The following TOP6BL variants were observed in gnomAD, a reference collection of about 807,000 sequenced individuals.
TOP6BL encodes type 2 DNA topoisomerase 6 subunit B-like.
the TOP6BL span, chr11:66,762,011 A>G: frequency 6.5e-7 from 1 of 1,544,094 alleles, no homozygotes; most frequent in Non-Finnish European, 8.9e-7. Flanking sequence ...TGTTGTTAAT[A>G]TTGAAAGTGA....
At chr11:66,792,444 A>G in the TOP6BL span, among the ~76,000 whole-genome samples, 6 of 152,294 alleles carry the variant, frequency 3.9e-5, no homozygotes, top group South Asian at 1.2e-3. Flanking sequence ...ATACATAAGC[A>G]TTGCTTGTCA....
chr11:66,796,860 GT>G, the TOP6BL span, among the ~76,000 whole-genome samples: 86 of 138,308 alleles, frequency 6.2e-4, no homozygotes, highest in Admixed American at 1.2e-3. Context: ...TAAGACAGTT[GT>G]TTTTTTTTTT....
At chr11:66,749,739 G>C in the TOP6BL span, among the ~76,000 whole-genome samples, 1 of 152,028 alleles carries the variant, frequency 6.6e-6, no homozygotes, top group South Asian at 2.1e-4. Flanking sequence ...TTTTGTGTGT[G>C]TGTGTATTTT....
chr11:66,774,413 T>A, the TOP6BL span, among the ~76,000 whole-genome samples: 1 of 152,094 alleles, frequency 6.6e-6, no homozygotes, highest in African/African-American at 2.4e-5. Flanking sequence ...TCTCTCCTCC[T>A]TGTTTTTCTT....
chr11:66,826,164 G>T, the TOP6BL span, among the ~76,000 whole-genome samples: 4 of 151,844 alleles, frequency 2.6e-5, no homozygotes, highest in Admixed American at 2.6e-4. Context: ...TTTTGGTATA[G>T]TTTTCTTGAA....
chr11:66,790,160 T>C, the TOP6BL span, among the ~76,000 whole-genome samples: 1 of 151,950 alleles, frequency 6.6e-6, no homozygotes, highest in Non-Finnish European at 1.5e-5. Context: ...TCCCAGCTAC[T>C]CTGGAGGCTG....
chr11:66,768,132 G>A, the TOP6BL span, among the ~76,000 whole-genome samples: 1 of 152,068 alleles, frequency 6.6e-6, no homozygotes. Context: ...TTGTTAATTT[G>A]TTGGGAAAGA....
the TOP6BL span, among the ~76,000 whole-genome samples, chr11:66,765,757 C>A: frequency 6.6e-6 from 1 of 152,208 alleles, no homozygotes; most frequent in African/African-American, 2.4e-5. Context: ...CTCAGGTGAT[C>A]CACCCGCCTC....
chr11:66,764,215 T>A, the TOP6BL span, among the ~76,000 whole-genome samples: 1 of 152,176 alleles, frequency 6.6e-6, no homozygotes, highest in Non-Finnish European at 1.5e-5. Flanking sequence ...TCAAGAATCA[T>A]GGGCTGACTG....
At chr11:66,748,226 A>G in the TOP6BL span, among the ~76,000 whole-genome samples, 1 of 152,214 alleles carries the variant, frequency 6.6e-6, no homozygotes, top group Non-Finnish European at 1.5e-5. Context: ...TTTAGACACA[A>G]TACTCTGAAC....
chr11:66,803,514 C>T, the TOP6BL span, among the ~76,000 whole-genome samples: 10 of 152,270 alleles, frequency 6.6e-5, no homozygotes, highest in Admixed American at 2.6e-4. Context: ...CTGCAACCTC[C>T]GCTTCCCAGG....
chr11:66,749,935 A>G, the TOP6BL span, among the ~76,000 whole-genome samples: 2 of 152,118 alleles, frequency 1.3e-5, no homozygotes. Flanking sequence ...GATAAAAAAC[A>G]TTACAGAAAC....
At chr11:66,809,549 CCT>C in the TOP6BL span, among the ~76,000 whole-genome samples, 1 of 152,068 alleles carries the variant, frequency 6.6e-6, no homozygotes, top group Admixed American at 6.6e-5. Flanking sequence ...AGTCCAAAGA[CCT>C]CTTAAAATTT....
At chr11:66,793,067 AT>A in the TOP6BL span, among the ~76,000 whole-genome samples, 2 of 151,514 alleles carry the variant, frequency 1.3e-5, no homozygotes, top group Non-Finnish European at 2.9e-5. Context: ...TTTTCTAATA[AT>A]CCCCCATCCA....
the TOP6BL span, chr11:66,813,964 A>G: frequency 5.0e-6 from 8 of 1,613,846 alleles, no homozygotes; most frequent in Non-Finnish European, 5.9e-6. Context: ...AGTTGACTGG[A>G]AAAAATACCA....
At chr11:66,749,598 C>A in the TOP6BL span, among the ~76,000 whole-genome samples, 1 of 152,048 alleles carries the variant, frequency 6.6e-6, no homozygotes, top group African/African-American at 2.4e-5. Context: ...GAGATGGAGT[C>A]TCACTCTGTC....
chr11:66,827,535 GAA>G, the TOP6BL span, among the ~76,000 whole-genome samples: 1 of 144,860 alleles, frequency 6.9e-6, no homozygotes, highest in East Asian at 2.0e-4. Context: ...AGACTCGTCA[GAA>G]AAAAAAAAAG....
chr11:66,800,440 T>C, the TOP6BL span, among the ~76,000 whole-genome samples: 1 of 152,240 alleles, frequency 6.6e-6, no homozygotes, highest in Non-Finnish European at 1.5e-5. Flanking sequence ...ATCTACTTGA[T>C]TTAATCATTC....
the TOP6BL span, chr11:66,800,717 C>T: frequency 6.4e-7 from 1 of 1,570,730 alleles, no homozygotes; most frequent in East Asian, 2.2e-5. Flanking sequence ...AGGTCTATGG[C>T]TTAAGATGAT....
Sources: allele counts gnomAD v4.1 joint callset (sites outside exome capture counted in the v4.1 genomes callset), GRCh38; gene constraint gnomAD v4.1.1; transcripts MANE v1.5; gene names NCBI Gene and HGNC (gene_info 2026-07-23, HGNC 2026-07-21).